CHST9: variants seen among roughly 807,000 people sequenced by gnomAD.
The protein encoded by CHST9 is carbohydrate sulfotransferase 9.
A neutral mutation model predicts 44.4 loss-of-function variants in CHST9; 41 were observed. That is an observed-to-expected ratio of 0.92 (90% CI 0.72 to 1.20). The LOEUF is 1.20. Ranked by LOEUF, CHST9 falls within the 50% of genes most tolerant of loss-of-function variation. The probability of loss-of-function intolerance (pLI) is 0.00; values close to 1 mark genes in which losing one functional copy is unlikely to be tolerated. For synonymous variants in CHST9, 171 were observed against 178.4 expected (o/e 0.96, Z 0.33); for missense variants, 504 against 516.5 (o/e 0.98, Z 0.23).
At chr18:27,018,941 C>G (rs371243461) in intron 4 of CHST9, among the ~76,000 whole-genome samples, 104 of 152,322 alleles carry the variant, frequency 6.8e-4, no homozygotes, top group African/African-American at 2.4e-3. Flanking sequence ...ATTCTAACAC[C>G]ATAGCACCTT....
At chr18:26,931,586 G>A (rs1304934932) in intron 5 of CHST9, among the ~76,000 whole-genome samples, 1 of 152,218 alleles carries the variant, frequency 6.6e-6, no homozygotes, top group Non-Finnish European at 1.5e-5. Context: ...AGTCCCTGGA[G>A]CCTGCTTCCT....
At chr18:27,124,565 C>G (rs1234902423) in intron 2 of CHST9, among the ~76,000 whole-genome samples, 1 of 152,212 alleles carries the variant, frequency 6.6e-6, no homozygotes, top group Non-Finnish European at 1.5e-5. Context: ...TTTAAGCACA[C>G]CACCATTTTT....
chr18:26,977,309 C>T (rs1424508740), intron 4 of CHST9, among the ~76,000 whole-genome samples: 1 of 151,774 alleles, frequency 6.6e-6, no homozygotes, highest in Non-Finnish European at 1.5e-5. Context: ...CAATAGCCTG[C>T]TGCAGGGAGT....
intron 2 of CHST9, among the ~76,000 whole-genome samples, chr18:27,082,526 C>T (rs4800276): frequency 0.095 from 14,389 of 152,134 alleles, 703 homozygotes; most frequent in East Asian, 0.14. Context: ...GTGTAGCACT[C>T]ACCTTGCCTC....
intron 4 of CHST9, among the ~76,000 whole-genome samples, chr18:26,987,470 C>T (rs184484092): frequency 2.4e-3 from 359 of 151,796 alleles, no homozygotes; most frequent in Middle Eastern, 3.4e-3. Context: ...CATAAAAAAC[C>T]GAAAAAAGTT....
At chr18:26,973,219 T>C (rs966093202) in intron 4 of CHST9, among the ~76,000 whole-genome samples, 7 of 152,190 alleles carry the variant, frequency 4.6e-5, no homozygotes, top group Non-Finnish European at 1.0e-4. Flanking sequence ...TCCTTTTCAA[T>C]GGTCTATTTC....
intron 5 of CHST9, among the ~76,000 whole-genome samples, chr18:26,930,397 T>C (rs1490161610): frequency 1.3e-5 from 2 of 152,228 alleles, no homozygotes; most frequent in Admixed American, 6.5e-5. Flanking sequence ...TGGGTTGTCA[T>C]ATGATGAGGT....
chr18:26,955,916 T>A (rs1227239875), intron 4 of CHST9, among the ~76,000 whole-genome samples: 1 of 152,218 alleles, frequency 6.6e-6, no homozygotes, highest in East Asian at 1.9e-4. Flanking sequence ...AGGAGCCACA[T>A]AGTTCATTTC....
rs541088710 is a variant in CHST9, at chr18:26,981,383, C to T, written c.203-37017G>A. On this transcript the variant is annotated intron_variant, in intron 4 of 5. Transcript: ENST00000618847. ...CTTCATTCCATTCACAAAAAGTAGC[C>T]ACTCATGTCTAGGATCCATCAATGT... Among the ~76,000 whole-genome samples, 4 of 152,308 alleles carry T rather than the reference C, an allele frequency of 2.6e-5. No individual in the cohort carries two copies. The South Asian group carries it at 8.3e-4, about 32-fold the overall frequency.
chr18:26,910,054 C>T lies in CHST9; in HGVS notation c.*6205G>A, dbSNP rs904325419. The T allele has an allele frequency of 2.0e-5, 3 of 152,060 alleles. No homozygotes were observed. The highest frequency in any genetic ancestry group is 4.4e-5 in the Non-Finnish European group (3 of 68,032). 9.4% of individuals were successfully genotyped at this position (152,060 alleles called of 1,614,324 possible). A position where few individuals can be genotyped will look rare whatever the true frequency, so the allele number is the denominator to read the frequency against. ...GCAGTCTAGAGGCAGCAGTGGGAGCCAGTTTCTGTCCCTAGATACTAGAGC... is the reference window on the plus strand; with the variant it reads ...GCAGTCTAGAGGCAGCAGTGGGAGCTAGTTTCTGTCCCTAGATACTAGAGC... On this transcript the variant is annotated 3_prime_UTR_variant, in exon 6 of 6. Transcript: ENST00000618847.
chr18:27,008,738 C>T (rs371552975), intron 4 of CHST9, among the ~76,000 whole-genome samples: 4 of 152,122 alleles, frequency 2.6e-5, no homozygotes, highest in East Asian at 1.9e-4. Context: ...CTACCTATCT[C>T]GGTTGCTTTC....
At chr18:27,147,282 GT>G (rs2058620169) in intron 1 of CHST9, among the ~76,000 whole-genome samples, 1 of 151,966 alleles carries the variant, frequency 6.6e-6, no homozygotes, top group East Asian at 1.9e-4. Flanking sequence ...TGTCAGGCTA[GT>G]CTCCAACTCC....
chr18:27,050,440 C>G (rs988144052), intron 2 of CHST9, among the ~76,000 whole-genome samples: 1 of 152,126 alleles, frequency 6.6e-6, no homozygotes, highest in South Asian at 2.1e-4. Context: ...ACAGCTGGAG[C>G]TAGTTACTGA....
chr18:27,079,685 G>A (rs1485813), intron 2 of CHST9, among the ~76,000 whole-genome samples: 69,864 of 151,972 alleles, frequency 0.46, 16,930 homozygotes, highest in East Asian at 0.65. Context: ...TTAAAATAGC[G>A]CAGATGTATT....
chr18:26,919,052 T>A (rs1145110), intron 5 of CHST9, among the ~76,000 whole-genome samples: 6 of 151,908 alleles, frequency 3.9e-5, no homozygotes, highest in Non-Finnish European at 8.8e-5. Context: ...GCAGGGGAAC[T>A]GCCCTTTATA....
chr18:26,984,119 A>G (rs2056725754), intron 4 of CHST9, among the ~76,000 whole-genome samples: 1 of 152,188 alleles, frequency 6.6e-6, no homozygotes, highest in Non-Finnish European at 1.5e-5. Context: ...ACCCAAATTT[A>G]CACCTGACTA....
At position 26,916,655 on chromosome 18, in the gene CHST9, T is replaced by C. The variant is rs762008758; in HGVS notation, c.936A>G (p.Lys312=). The change falls in exon 6 of 6, where the codon AAA becomes AAG. Residue 312 remains lysine, a synonymous_variant. Coordinates refer to ENST00000618847, the MANE Select transcript of CHST9 (RefSeq NM_031422.6). The part of the protein sequence containing the change: ...HPVFGKAIIK[K]YRPNACEEAL... The stretch of plus-strand genomic sequence containing the variant: ...CTTCTTCACAGGCATTTGGTCGATA[T>C]TTCTTGATAATTGCCTTTCCGAATA... 3.7e-6 allele frequency: 6 copies of C among 1,613,918 alleles called. No individual in the cohort carries two copies. The highest frequency in any genetic ancestry group is 5.1e-6 in the Non-Finnish European group (6 of 1,179,812).
At chr18:26,984,430 G>GT (rs1397416671) in intron 4 of CHST9, among the ~76,000 whole-genome samples, 1 of 152,056 alleles carries the variant, frequency 6.6e-6, no homozygotes, top group Non-Finnish European at 1.5e-5. Context: ...AAAACATAGG[G>GT]TAATATCTTC....
intron 1 of CHST9, among the ~76,000 whole-genome samples, chr18:27,175,318 G>A (rs1398450529): frequency 1.3e-5 from 2 of 151,838 alleles, no homozygotes; most frequent in Non-Finnish European, 2.9e-5. Flanking sequence ...CTTAATGCCG[G>A]AATGTATACA....
Sources: allele counts gnomAD v4.1 joint callset (sites outside exome capture counted in the v4.1 genomes callset), GRCh38; gene constraint gnomAD v4.1.1; transcripts MANE v1.5; gene names NCBI Gene and HGNC (gene_info 2026-07-23, HGNC 2026-07-21).